Variants in PCDH11X observed in about 807,000 individuals in gnomAD.
PCDH11X encodes the protein protocadherin-11 X-linked.
PCDH11X carries 18 observed loss-of-function variants against 53.3 expected under a neutral mutation model. The ratio of observed to expected loss-of-function variants is 0.34; its 90% CI spans 0.23 to 0.50. PCDH11X has a LOEUF of 0.50. PCDH11X is among the 20% of genes least tolerant of loss of function. The pLI, the probability that PCDH11X is intolerant of heterozygous loss-of-function variation, is 0.98. For synonymous variants in PCDH11X, 279 were observed against 393.3 expected (o/e 0.71, Z 3.44); for missense variants, 570 against 1,032.4 (o/e 0.55, Z 6.14).
rs750521137 is a variant in PCDH11X, at chrX:92,618,606, C to G, written c.3710C>G (p.Ser1237Ter). The G allele has an allele frequency of 8.3e-7, 1 of 1,211,881 alleles. No homozygotes were observed. The highest frequency in any genetic ancestry group is 1.1e-6 in the Non-Finnish European group (1 of 895,462). Residue 1237 changes from serine (S) to a stop codon, truncating the protein, a stop_gained, in exon 11 of 11, where the codon TCA (serine) becomes TGA (stop). Coordinates refer to ENST00000682573, the MANE Select transcript of PCDH11X (RefSeq NM_032968.5). LOFTEE classifies it high-confidence loss of function. ...ACTGCACTTCACCACAGCCCACCAT[C>G]AGCACAGGCCTCAGCCCTCTGCTAC... ...QATALHHSPP[S>*]AQASALCYSP... is the part of the protein sequence containing the mutation.
intron 10 of PCDH11X, among the ~76,000 whole-genome samples, chrX:92,568,436 AT>A (rs2148770617): frequency 9.3e-6 from 1 of 107,882 alleles, no homozygotes; most frequent in African/African-American, 3.4e-5. Context: ...AAAAAAAAAA[AT>A]TCATAGTAGT....
At chrX:92,190,005 G>A (rs2066166356) in intron 6 of PCDH11X, among the ~76,000 whole-genome samples, 1 of 111,892 alleles carries the variant, frequency 8.9e-6, no homozygotes, top group African/African-American at 3.2e-5. Flanking sequence ...CTCCTGTTCT[G>A]TAGGTTGTTT....
At chrX:91,887,085 G>C (rs1413545378) in intron 6 of PCDH11X, among the ~76,000 whole-genome samples, 2 of 108,455 alleles carry the variant, frequency 1.8e-5, no homozygotes, top group Non-Finnish European at 3.8e-5. Flanking sequence ...ATTTCACCAT[G>C]AAATACTAAC....
chrX:92,559,440 T>TACACACACAC (rs199701051), intron 10 of PCDH11X, among the ~76,000 whole-genome samples: 18 of 100,483 alleles, frequency 1.8e-4, no homozygotes, highest in African/African-American at 6.1e-4. Context: ...CAAGTATCTT[T>TACACACACAC]ACACACACAC....
intron 10 of PCDH11X, among the ~76,000 whole-genome samples, chrX:92,559,705 T>G (rs2075104515): frequency 9.1e-6 from 1 of 110,327 alleles, no homozygotes; most frequent in African/African-American, 3.3e-5. Context: ...CCTGTCATAG[T>G]GGAGAATGAA....
In PCDH11X at chrX:91,823,301, C is replaced by G. The variant is rs375672067; in HGVS notation, c.-45+12006C>G. Among the ~76,000 whole-genome samples the G allele has an allele frequency of 2.4e-3, 269 of 110,149 alleles. 2 individuals are homozygous for G. The highest frequency in any genetic ancestry group is 4.3e-3 in the South Asian group (11 of 2,543). ...TTAAAGTCTCCCATTATTAATGTGT[C>G]GGAGTCTAAGTCTCTTTGTAGGTCA... On this transcript the variant is annotated intron_variant, in intron 4 of 10. Coordinates refer to ENST00000682573, the MANE Select transcript of PCDH11X (RefSeq NM_032968.5).
intron 6 of PCDH11X, among the ~76,000 whole-genome samples, chrX:91,908,350 T>TA (rs34843316): frequency 9.0e-6 from 1 of 111,404 alleles, no homozygotes; most frequent in East Asian, 2.8e-4. Context: ...AACAACGCCA[T>TA]AAAAAAAGTG....
At position 92,619,287 on chromosome X, in the gene PCDH11X, C is replaced by A. The variant is rs1257510381; in HGVS notation, c.*347C>A. 1 of 275,398 alleles carries A rather than the reference C, an allele frequency of 3.6e-6. No homozygotes were observed. The highest frequency in any genetic ancestry group is 2.8e-5 in the African/African-American group (1 of 35,646). The allele number at this position is 275,398 out of a possible 1,213,427, so 22.7% of individuals were successfully genotyped here. ...TTGTTTCCATGCTGATTGTGTGGAACCAGTATGTAGCAAATGGAAAGCCTA... is the reference window on the plus strand; with the variant it reads ...TTGTTTCCATGCTGATTGTGTGGAAACAGTATGTAGCAAATGGAAAGCCTA... On this transcript the variant is annotated 3_prime_UTR_variant, in exon 11 of 11. Transcript: ENST00000682573.
chrX:91,911,687 T>C (rs1203854331), intron 6 of PCDH11X, among the ~76,000 whole-genome samples: 1 of 111,229 alleles, frequency 9.0e-6, no homozygotes, highest in Non-Finnish European at 1.9e-5. Context: ...TTGTTTTCAT[T>C]TTTAGCTCCC....
chrX:92,478,063 C>T (rs771108336), intron 10 of PCDH11X, among the ~76,000 whole-genome samples: 4 of 110,096 alleles, frequency 3.6e-5, no homozygotes, highest in African/African-American at 6.6e-5. Context: ...TGAGTTCTCA[C>T]GAGATCTTAT....
intron 6 of PCDH11X, among the ~76,000 whole-genome samples, chrX:92,107,120 C>T (rs1156732560): frequency 1.8e-5 from 2 of 111,327 alleles, no homozygotes; most frequent in Non-Finnish European, 3.8e-5. Flanking sequence ...GACCTGGAAG[C>T]CACCCCTCAA....
chrX:92,215,771 T>G (rs1280400081), intron 7 of PCDH11X, among the ~76,000 whole-genome samples: 1 of 106,964 alleles, frequency 9.3e-6, no homozygotes, highest in Admixed American at 1.0e-4. Context: ...CCCTGACCCC[T>G]GACTCCCGAG....
At chrX:92,496,588 C>G (rs1416313517) in intron 10 of PCDH11X, among the ~76,000 whole-genome samples, 4 of 102,495 alleles carry the variant, frequency 3.9e-5, no homozygotes, top group Non-Finnish European at 5.9e-5. Context: ...TATGCCCACA[C>G]AGAAAGCATT....
chrX:92,176,234 AC>A (rs1435351286), intron 6 of PCDH11X, among the ~76,000 whole-genome samples: 3 of 111,821 alleles, frequency 2.7e-5, no homozygotes, highest in Non-Finnish European at 5.6e-5. Flanking sequence ...ATTTAGAGAT[AC>A]TTTTGAGTTG....
chrX:91,788,250 A>C (rs983161067), intron 1 of PCDH11X, among the ~76,000 whole-genome samples: 2 of 111,160 alleles, frequency 1.8e-5, no homozygotes, highest in Non-Finnish European at 3.8e-5. Flanking sequence ...ACAATTTCCC[A>C]CTCTGACTCA....
intron 10 of PCDH11X, among the ~76,000 whole-genome samples, chrX:92,588,801 TA>T (rs1395817446): frequency 9.1e-6 from 1 of 109,628 alleles, no homozygotes; most frequent in Non-Finnish European, 1.9e-5. Context: ...AATATATCAA[TA>T]TCCAAGTATA....
chrX:92,126,333 G>A (rs910594958), intron 6 of PCDH11X, among the ~76,000 whole-genome samples: 1 of 110,346 alleles, frequency 9.1e-6, no homozygotes. Flanking sequence ...TTCTCTCCCC[G>A]GGAGTGGTGG....
At chrX:92,350,778 C>T (rs777079602) in intron 8 of PCDH11X, among the ~76,000 whole-genome samples, 138 of 111,778 alleles carry the variant, frequency 1.2e-3, no homozygotes, top group Non-Finnish European at 2.1e-3. Context: ...GTCTATCTAC[C>T]ATTTTTCTCA....
chrX:91,847,557 G>A (rs764621634), intron 5 of PCDH11X, among the ~76,000 whole-genome samples: 2 of 110,776 alleles, frequency 1.8e-5, no homozygotes, highest in East Asian at 5.7e-4. Flanking sequence ...TCTTCTGAAG[G>A]TCTCGTCTAC....
Sources: allele counts gnomAD v4.1 joint callset (sites outside exome capture counted in the v4.1 genomes callset), GRCh38; gene constraint gnomAD v4.1.1; transcripts MANE v1.5; gene names NCBI Gene and HGNC (gene_info 2026-07-23, HGNC 2026-07-21).